Variants in MACROD2 observed in about 807,000 individuals in gnomAD.
MACROD2 encodes mono-ADP ribosylhydrolase 2.
A neutral mutation model predicts 70.4 loss-of-function variants in MACROD2; 36 were observed. The observed-to-expected ratio is 0.51, with a 90% CI of 0.39 to 0.68. MACROD2 has a LOEUF of 0.68. Ranked by LOEUF, MACROD2 falls within the 30% of genes least tolerant of loss-of-function variation. The pLI, the probability that MACROD2 is intolerant of heterozygous loss-of-function variation, is 0.00. For missense variants in MACROD2, 496 were observed against 538.4 expected (o/e 0.92, Z 0.78); for synonymous variants, 172 against 178.8 (o/e 0.96, Z 0.30).
At chr20:15,682,573 T>G (rs2050174292) in intron 8 of MACROD2, among the ~76,000 whole-genome samples, 1 of 152,208 alleles carries the variant, frequency 6.6e-6, no homozygotes, top group African/African-American at 2.4e-5. Flanking sequence ...CTGACTAAAG[T>G]TCAAGTTTAG....
chr20:15,280,107 A>G (rs1258361308), intron 6 of MACROD2, among the ~76,000 whole-genome samples: 1 of 152,248 alleles, frequency 6.6e-6, no homozygotes, highest in African/African-American at 2.4e-5. Context: ...TGTCAGTGTT[A>G]ACTACATCAT....
intron 5 of MACROD2, among the ~76,000 whole-genome samples, chr20:14,980,839 C>G (rs1202797592): frequency 1.3e-5 from 2 of 152,164 alleles, no homozygotes; most frequent in Admixed American, 6.5e-5. Context: ...CAAATCATGT[C>G]TATTGTACCT....
At chr20:15,486,880 C>A (rs1352836913) in intron 7 of MACROD2, among the ~76,000 whole-genome samples, 1 of 152,126 alleles carries the variant, frequency 6.6e-6, no homozygotes, top group Non-Finnish European at 1.5e-5. Flanking sequence ...CCTCTAAAAC[C>A]AAGTAGCTGA....
intron 3 of MACROD2, among the ~76,000 whole-genome samples, chr20:14,233,415 G>A (rs1039082965): frequency 1.3e-5 from 2 of 152,042 alleles, no homozygotes; most frequent in Admixed American, 1.3e-4. Context: ...TGAGCTGGCC[G>A]GGCGCGGTGG....
chr20:14,863,521 A>C (rs1218057540), intron 5 of MACROD2, among the ~76,000 whole-genome samples: 1 of 152,168 alleles, frequency 6.6e-6, no homozygotes, highest in Non-Finnish European at 1.5e-5. Flanking sequence ...CTGTAACAAT[A>C]TCAAAGCATA....
intron 5 of MACROD2, among the ~76,000 whole-genome samples, chr20:14,838,589 T>C (rs1315056843): frequency 2.0e-5 from 3 of 152,160 alleles, no homozygotes; most frequent in Admixed American, 1.3e-4. Context: ...TTAAATAGCA[T>C]AAATTTACTT....
At position 14,208,615 on chromosome 20, in the gene MACROD2, A is replaced by G. The variant is rs531570265; in HGVS notation, c.271+122887A>G. Reference sequence around the variant, plus strand: ...CCCAAACTACACTGTAGAGTTTCCTATAGCTGATTTGGCTTCTGTTTTAAC... The same window carrying G: ...CCCAAACTACACTGTAGAGTTTCCTGTAGCTGATTTGGCTTCTGTTTTAAC... On this transcript the variant is annotated intron_variant, in intron 3 of 17. Coordinates refer to ENST00000684519, the MANE Select transcript of MACROD2 (RefSeq NM_001351661.2). Among the ~76,000 whole-genome samples the G allele has an allele frequency of 7.9e-5, 12 of 152,310 alleles. No individual in the cohort carries two copies. In the South Asian group the frequency reaches 2.1e-3, roughly 26 times the overall value.
Position 14,000,983 on chromosome 20 carries a change from G to A in MACROD2, c.47-1305G>A, listed in dbSNP as rs544932841. On this transcript the variant is annotated intron_variant, in intron 1 of 17. Transcript: ENST00000684519. The stretch of plus-strand genomic sequence containing the variant: ...ATACCTCCTTTGTTTACATTGTTTT[G>A]TTAGTCTGAAATGTTCTTTTTACCT... 1.8e-3 allele frequency among the ~76,000 whole-genome samples: 279 copies of A among 152,104 alleles called. 3 individuals carry two copies. The highest frequency in any genetic ancestry group is 6.5e-3 in the African/African-American group (269 of 41,482).
At chr20:14,477,646 A>T (rs1433676325) in intron 3 of MACROD2, among the ~76,000 whole-genome samples, 1 of 152,122 alleles carries the variant, frequency 6.6e-6, no homozygotes, top group Admixed American at 6.5e-5. Context: ...TCAAAATTAT[A>T]CTTTTTATAC....
intron 8 of MACROD2, among the ~76,000 whole-genome samples, chr20:15,551,625 T>G (rs1355116413): frequency 1.3e-5 from 2 of 152,090 alleles, no homozygotes; most frequent in Non-Finnish European, 2.9e-5. Context: ...ACGCCTGTAA[T>G]CTCAACACTT....
intron 4 of MACROD2, among the ~76,000 whole-genome samples, chr20:14,642,257 T>G (rs957000495): frequency 1.3e-5 from 2 of 152,184 alleles, no homozygotes; most frequent in African/African-American, 4.8e-5. Context: ...GTTAGGGTCT[T>G]GCTCTGGATT....
At chr20:14,531,054 A>G (rs2085296985) in intron 4 of MACROD2, among the ~76,000 whole-genome samples, 1 of 152,206 alleles carries the variant, frequency 6.6e-6, no homozygotes, top group Non-Finnish European at 1.5e-5. Context: ...TTATATGACA[A>G]TCTCTGGAAA....
intron 12 of MACROD2, among the ~76,000 whole-genome samples, chr20:15,957,165 A>T (rs2065989055): frequency 6.6e-6 from 1 of 152,274 alleles, no homozygotes; most frequent in South Asian, 2.1e-4. Flanking sequence ...GATAATGGGT[A>T]GAAAGGAGGA....
chr20:14,565,675 TA>T (rs1326687643), intron 4 of MACROD2, among the ~76,000 whole-genome samples: 2 of 151,958 alleles, frequency 1.3e-5, no homozygotes, highest in African/African-American at 4.8e-5. Flanking sequence ...TTAAAGTTCT[TA>T]AAAAATGTTG....
rs139525057 is a variant in MACROD2, at chr20:15,807,590, A to G, written c.646-55155A>G. Among the ~76,000 whole-genome samples the G allele has an allele frequency of 4.7e-3, 721 of 152,302 alleles. 5 individuals are homozygous for G. The highest frequency in any genetic ancestry group is 0.015 in the East Asian group (77 of 5,184). ...GTTGTAAAAGACACTGTGAATTTCA[A>G]AAACGTAATGGCAAGAAAAGAAGGT... On this transcript the variant is annotated intron_variant, in intron 8 of 17. Coordinates refer to ENST00000684519, the MANE Select transcript of MACROD2 (RefSeq NM_001351661.2).
chr20:14,295,916 A>G (rs1357073552), intron 3 of MACROD2, among the ~76,000 whole-genome samples: 1 of 151,936 alleles, frequency 6.6e-6, no homozygotes, highest in Non-Finnish European at 1.5e-5. Flanking sequence ...TCTGGTCCCA[A>G]GTCAGAACAG....
chr20:14,694,005 A>T (rs2071091753), intron 5 of MACROD2, among the ~76,000 whole-genome samples: 1 of 152,048 alleles, frequency 6.6e-6, no homozygotes, highest in Non-Finnish European at 1.5e-5. Flanking sequence ...AGTGTAGACG[A>T]CTATAGTGAG....
At chr20:15,614,465 G>C (rs961382920) in intron 8 of MACROD2, among the ~76,000 whole-genome samples, 1 of 152,150 alleles carries the variant, frequency 6.6e-6, no homozygotes, top group African/African-American at 2.4e-5. Flanking sequence ...AAGCATGCCA[G>C]CTCTCCAGAA....
At chr20:14,012,770 G>T (rs1242270065) in intron 2 of MACROD2, among the ~76,000 whole-genome samples, 1 of 152,180 alleles carries the variant, frequency 6.6e-6, no homozygotes, top group Non-Finnish European at 1.5e-5. Flanking sequence ...CAATTTATTG[G>T]AGAGACAGAC....
Sources: gnomAD v4.1 joint callset for allele counts (sites outside exome capture counted in the v4.1 genomes callset) on GRCh38, gnomAD v4.1.1 for gene constraint, MANE v1.5 for transcripts, NCBI Gene and HGNC (gene_info 2026-07-23, HGNC 2026-07-21) for gene names.